The following RNF115 variants were observed in gnomAD, a reference collection of about 807,000 sequenced individuals.
RNF115 encodes E3 ubiquitin-protein ligase RNF115.
Under a neutral mutation model 39.2 loss-of-function variants are expected in RNF115, and 31 were observed. The observed-to-expected ratio is 0.79, with a 90% confidence interval of 0.59 to 1.07. RNF115 has a LOEUF of 1.07. RNF115 is among the 50% of genes least tolerant of loss of function. RNF115 has a pLI of 0.00. For synonymous variants in RNF115, 124 were observed against 131.0 expected (o/e 0.95, Z 0.37); for missense variants, 384 against 381.7 (o/e 1.01, Z -0.05).
intron 5 of RNF115, 71 bp downstream of exon 5, chr1:145,752,907 C>A: frequency 2.7e-6 from 3 of 1,127,638 alleles, no homozygotes; most frequent in Non-Finnish European, 4.0e-6. Flanking sequence ...TTTTTCTCTA[C>A]TGCACAGAAA....
intron 2 of RNF115, among the ~76,000 whole-genome samples, chr1:145,786,346 T>C (rs1402359217): frequency 6.6e-6 from 1 of 152,214 alleles, no homozygotes; most frequent in Non-Finnish European, 1.5e-5. Flanking sequence ...TTGCTAAGTA[T>C]TTAAATCAGC....
At chr1:145,813,702 G>A (rs1317674190) in intron 1 of RNF115, among the ~76,000 whole-genome samples, 6 of 151,564 alleles carry the variant, frequency 4.0e-5, no homozygotes, top group African/African-American at 1.5e-4. Flanking sequence ...AAAATTATAC[G>A]GTCTCAATTT....
intron 3 of RNF115, among the ~76,000 whole-genome samples, chr1:145,778,847 G>A (rs1443239152): frequency 6.6e-6 from 1 of 152,216 alleles, no homozygotes; most frequent in Non-Finnish European, 1.5e-5. Context: ...CCAGCAAGTG[G>A]AGTTCATGTA....
intron 8 of RNF115, 136 bp from the exon 9 acceptor site, chr1:145,747,133 C>G: frequency 1.2e-6 from 1 of 867,000 alleles, no homozygotes; most frequent in Non-Finnish European, 1.8e-6. Flanking sequence ...AATGCATCCT[C>G]ATAGAGCATG....
rs587733306 is a variant in RNF115, at chr1:145,744,986, G to A, written c.*1880C>T. The A allele has an allele frequency of 6.6e-6, 1 of 152,302 alleles. No individual in the cohort carries two copies. Among genetic ancestry groups the A allele is most frequent in the East Asian group, 1.9e-4 (1 of 5,198 alleles). The allele number at this position is 152,302 out of a possible 1,614,324, so 9.4% of individuals were successfully genotyped here. On this transcript the variant is annotated 3_prime_UTR_variant, in exon 9 of 9. Coordinates refer to ENST00000582693, the MANE Select transcript of RNF115 (RefSeq NM_014455.4). ...GACATGATCACACTGATCAGTTTGA[G>A]TCCAAGTATAGCCAGAACCAAGGAG...
In RNF115 at chr1:145,746,404, G is replaced by GT. The variant is rs5777576; in HGVS notation, c.*461dup. The GT allele has an allele frequency of 0.066, 9,422 of 143,690 alleles. 636 individuals are homozygous for GT. Among genetic ancestry groups the GT allele is most frequent in the East Asian group, 0.22 (1,077 of 4,998 alleles). 8.9% of individuals were successfully genotyped at this position (143,690 alleles called of 1,614,324 possible). A position where few individuals can be genotyped will look rare whatever the true frequency, so the allele number is the denominator to read the frequency against. On this transcript the variant is annotated 3_prime_UTR_variant, in exon 9 of 9. Coordinates refer to ENST00000582693, the MANE Select transcript of RNF115 (RefSeq NM_014455.4). ...CTCATAGCTAATGTGATCAAGAGTA[G>GT]TTTTTTTTTTTTTTAAATACAATTA...
intron 1 of RNF115, among the ~76,000 whole-genome samples, chr1:145,822,026 C>G (rs1650271621): frequency 6.6e-6 from 1 of 151,794 alleles, no homozygotes; most frequent in Non-Finnish European, 1.5e-5. Context: ...AATCAGCAAA[C>G]AAAGCTAAGT....
intron 1 of RNF115, among the ~76,000 whole-genome samples, chr1:145,821,018 C>G (rs1250299085): frequency 1.8e-5 from 2 of 113,196 alleles, no homozygotes; most frequent in African/African-American, 6.2e-5. Context: ...CTGAAATGTA[C>G]CCATCCCTCA....
chr1:145,811,930 TATAC>T (rs1649743356), intron 1 of RNF115, among the ~76,000 whole-genome samples: 2 of 112,176 alleles, frequency 1.8e-5, no homozygotes, highest in African/African-American at 2.9e-5. Context: ...TATATATATA[TATAC>T]ACACACACAC....
chr1:145,768,393 G>A (rs928744050), intron 4 of RNF115, among the ~76,000 whole-genome samples: 1 of 152,196 alleles, frequency 6.6e-6, no homozygotes, highest in Non-Finnish European at 1.5e-5. Context: ...TCGGCTCACT[G>A]CAACCTCCAC....
At chr1:145,756,889 T>G (rs1019591923) in intron 4 of RNF115, among the ~76,000 whole-genome samples, 6 of 140,628 alleles carry the variant, frequency 4.3e-5, no homozygotes, top group African/African-American at 1.6e-4. Context: ...CAGGCCAGAG[T>G]GCAGTGGTGC....
intron 4 of RNF115, among the ~76,000 whole-genome samples, chr1:145,769,772 A>AT (rs1356901939): frequency 1.3e-4 from 20 of 151,606 alleles, no homozygotes; most frequent in African/African-American, 4.4e-4. Flanking sequence ...AAAAAAAAAA[A>AT]AAAAAAGATA....
chr1:145,755,295 C>T (rs1337715578), intron 4 of RNF115, among the ~76,000 whole-genome samples: 4 of 151,690 alleles, frequency 2.6e-5, no homozygotes, highest in African/African-American at 4.8e-5. Context: ...TCTGTCGGAT[C>T]AATCACTTGC....
intron 4 of RNF115, among the ~76,000 whole-genome samples, chr1:145,756,810 T>TCATGTGTC: frequency 6.7e-6 from 1 of 149,966 alleles, no homozygotes; most frequent in Non-Finnish European, 1.5e-5. Context: ...TCTTCTGTGT[T>TCATGTGTC]CATGTCCAAA....
intron 2 of RNF115, among the ~76,000 whole-genome samples, chr1:145,788,357 C>T (rs1451510303): frequency 6.6e-6 from 1 of 152,214 alleles, no homozygotes; most frequent in Non-Finnish European, 1.5e-5. Flanking sequence ...GTTGGGATTA[C>T]AGGCGTGAGC....
chr1:145,802,666 G>A lies in RNF115; in HGVS notation c.103-13700C>T, dbSNP rs587689351. On this transcript the variant is annotated intron_variant, in intron 1 of 8. Coordinates refer to ENST00000582693, the MANE Select transcript of RNF115 (RefSeq NM_014455.4). ...TATCTAAAACAGAAGTTCCAATGGT[G>A]ATTAAAGTGTCAAAAAAAAGAAGCC... is the stretch of plus-strand genomic sequence containing the variant. Among the ~76,000 whole-genome samples, 3 of 152,190 alleles carry A rather than the reference G, an allele frequency of 2.0e-5. No homozygotes were observed. The South Asian group carries it at 6.2e-4, about 32-fold the overall frequency.
chr1:145,778,918 T>C (rs782459201), intron 3 of RNF115, among the ~76,000 whole-genome samples: 17 of 152,200 alleles, frequency 1.1e-4, no homozygotes, highest in African/African-American at 2.4e-5. Context: ...CTTTGCAGCC[T>C]CTAATTCTCA....
chr1:145,763,895 C>T (rs1210139502), intron 4 of RNF115, among the ~76,000 whole-genome samples: 7 of 132,486 alleles, frequency 5.3e-5, no homozygotes, highest in Non-Finnish European at 1.0e-4. Flanking sequence ...CCTCCCCCTC[C>T]CCCTCCCCCT....
At chr1:145,823,474 T>C (rs1387145630) in intron 1 of RNF115, among the ~76,000 whole-genome samples, 2 of 137,210 alleles carry the variant, frequency 1.5e-5, no homozygotes, top group African/African-American at 2.8e-5. Context: ...TGCAAGAAAA[T>C]TGAGGGGAGA....
Sources: gnomAD v4.1 joint callset for allele counts (sites outside exome capture counted in the v4.1 genomes callset) on GRCh38, gnomAD v4.1.1 for gene constraint, MANE v1.5 for transcripts, NCBI Gene and HGNC (gene_info 2026-07-23, HGNC 2026-07-21) for gene names.